CREB5: variants seen among roughly 807,000 people sequenced by gnomAD.
The protein encoded by CREB5 is cyclic AMP-responsive element-binding protein 5.
A neutral mutation model predicts 57.1 loss-of-function variants in CREB5; 19 were observed. The ratio of observed to expected loss-of-function variants is 0.33; its 90% CI spans 0.23 to 0.49. The LOEUF (loss-of-function observed/expected upper bound fraction) is 0.49, where lower values mean the gene tolerates loss of function less well. CREB5 is among the 20% of genes least tolerant of loss of function. The pLI is 0.99. For missense variants in CREB5, 579 were observed against 671.6 expected (o/e 0.86, Z 1.52); for synonymous variants, 238 against 238.3 (o/e 1.00, Z 0.01).
chr7:28,771,281 G>A (rs1011378238), intron 7 of CREB5, among the ~76,000 whole-genome samples: 1 of 151,950 alleles, frequency 6.6e-6, no homozygotes, highest in African/African-American at 2.4e-5. Flanking sequence ...AGAGATACAG[G>A]GCTTGAAATT....
At chr7:28,690,351 C>T (rs960926545) in intron 5 of CREB5, among the ~76,000 whole-genome samples, 2 of 152,200 alleles carry the variant, frequency 1.3e-5, no homozygotes, top group Admixed American at 6.5e-5. Flanking sequence ...CTAAGCATCA[C>T]CATAGTCGAT....
chr7:28,640,309 A>G (rs542148824), intron 5 of CREB5, among the ~76,000 whole-genome samples: 3 of 152,318 alleles, frequency 2.0e-5, no homozygotes, highest in African/African-American at 7.2e-5. Flanking sequence ...CTCAGTGACA[A>G]CATTTCTGTG....
intron 7 of CREB5, among the ~76,000 whole-genome samples, chr7:28,764,756 T>C (rs572222107): frequency 6.6e-6 from 1 of 152,352 alleles, no homozygotes; most frequent in East Asian, 1.9e-4. Flanking sequence ...CATAGGTAAT[T>C]GAGGATTTAA....
intron 5 of CREB5, among the ~76,000 whole-genome samples, chr7:28,630,706 A>T (rs73684224): frequency 0.02 from 3,004 of 152,300 alleles, 118 homozygotes; most frequent in African/African-American, 0.069. Flanking sequence ...ATTTCCATAT[A>T]AAAAGACAAT....
chr7:28,646,677 G>C (rs549060114), intron 5 of CREB5, among the ~76,000 whole-genome samples: 1 of 152,040 alleles, frequency 6.6e-6, no homozygotes, highest in Non-Finnish European at 1.5e-5. Flanking sequence ...AGAAAGGAAA[G>C]AATATTTTTG....
In CREB5 at chr7:28,685,984, G is replaced by C; in HGVS notation, c.465-32769G>C. On this transcript the variant is annotated intron_variant, in intron 5 of 10. Transcript: ENST00000357727. ...GAGGAGGGCGAGACCAGGAGAAAGA[G>C]AGCAAGTGAGCGAGAGCCCAGCCGG... 4.7e-6 allele frequency: 3 copies of C among 642,910 alleles called. No homozygotes were observed. The South Asian group carries it at 5.9e-5, about 13-fold the overall frequency. 39.8% of individuals were successfully genotyped at this position (642,910 alleles called of 1,614,324 possible). A position where few individuals can be genotyped will look rare whatever the true frequency, so the allele number is the denominator to read the frequency against.
rs1433235029 is a variant in CREB5, at chr7:28,724,281, C to A, written c.651C>A (p.Ser217Arg). The change falls in exon 7 of 11, where the codon AGC becomes AGA. Residue 217 changes from serine to arginine, a missense_variant. Ser to Arg is a moderately radical substitution (Grantham distance 110, BLOSUM62 -1). Transcript: ENST00000357727. ...TGGGGATGCAAGGTCCAAATCTCAG[C>A]AACCCCTGTGCTTCTCCCCAGGTCC... Reference protein sequence around the residue: ...SIMGMQGPNLSNPCASPQVQP... With the variant: ...SIMGMQGPNLRNPCASPQVQP... 6.2e-7 allele frequency: 1 copy of A among 1,613,678 alleles called. No homozygotes were observed. Among genetic ancestry groups the A allele is most frequent in the East Asian group, 2.2e-5 (1 of 44,892 alleles).
chr7:28,528,010 A>G (rs1010443264), intron 4 of CREB5, among the ~76,000 whole-genome samples: 1 of 152,356 alleles, frequency 6.6e-6, no homozygotes, highest in Admixed American at 6.5e-5. Context: ...TTGCAAAGTT[A>G]TAGTGAGGTT....
chr7:28,664,104 C>T (rs569953192), intron 5 of CREB5, among the ~76,000 whole-genome samples: 1 of 152,210 alleles, frequency 6.6e-6, no homozygotes, highest in Admixed American at 6.5e-5. Flanking sequence ...CCCAGGACTT[C>T]AATTAGGACC....
intron 1 of CREB5, among the ~76,000 whole-genome samples, chr7:28,329,968 T>C (rs1054821986): frequency 1.3e-5 from 2 of 152,250 alleles, no homozygotes; most frequent in African/African-American, 2.4e-5. Context: ...ATGGAATAAT[T>C]TGAAACACCT....
intron 4 of CREB5, among the ~76,000 whole-genome samples, chr7:28,556,050 A>G (rs112656924): frequency 0.032 from 4,887 of 152,204 alleles, 303 homozygotes; most frequent in African/African-American, 0.11. Flanking sequence ...AAAAATACGG[A>G]TGTCACTGAC....
intron 1 of CREB5, among the ~76,000 whole-genome samples, chr7:28,381,720 C>T (rs1786971192): frequency 6.6e-6 from 1 of 151,986 alleles, no homozygotes; most frequent in South Asian, 2.1e-4. Context: ...TTTTCTTAAC[C>T]CAGCTGAGAA....
At chr7:28,552,824 C>T (rs370422768) in intron 4 of CREB5, among the ~76,000 whole-genome samples, 2 of 152,170 alleles carry the variant, frequency 1.3e-5, no homozygotes, top group Non-Finnish European at 2.9e-5. Flanking sequence ...GAATTATCTG[C>T]GATGAAGTAC....
intron 5 of CREB5, among the ~76,000 whole-genome samples, chr7:28,640,260 C>T (rs2128699719): frequency 6.6e-6 from 1 of 152,286 alleles, no homozygotes; most frequent in South Asian, 2.1e-4. Flanking sequence ...CCTTTACTGC[C>T]CTGCATTGCC....
intron 5 of CREB5, among the ~76,000 whole-genome samples, chr7:28,712,547 T>TATTATTATTATTATTATTATTATTA (rs1190814066): frequency 8.0e-5 from 12 of 150,154 alleles, no homozygotes; most frequent in South Asian, 2.1e-4. Flanking sequence ...TTATTATTAT[T>TATTATTATTATTATTATTATTATTA]TTCTGAGATG....
intron 1 of CREB5, among the ~76,000 whole-genome samples, chr7:28,374,905 C>T (rs949771255): frequency 6.6e-6 from 1 of 152,172 alleles, no homozygotes; most frequent in Admixed American, 6.5e-5. Flanking sequence ...GAGCTCTTCC[C>T]TCTACAAGGG....
chr7:28,550,649 C>T (rs971924953), intron 4 of CREB5, among the ~76,000 whole-genome samples: 1 of 152,192 alleles, frequency 6.6e-6, no homozygotes, highest in Non-Finnish European at 1.5e-5. Flanking sequence ...TGTTCTTGGG[C>T]TGTCCCCAGT....
At chr7:28,589,426 T>A (rs984274746) in intron 5 of CREB5, among the ~76,000 whole-genome samples, 10 of 152,100 alleles carry the variant, frequency 6.6e-5, no homozygotes, top group Non-Finnish European at 1.2e-4. Flanking sequence ...TGGTGGCAGG[T>A]GCCTGTAGTC....
intron 1 of CREB5, among the ~76,000 whole-genome samples, chr7:28,469,390 G>A (rs1790719571): frequency 6.6e-6 from 1 of 152,178 alleles, no homozygotes; most frequent in African/African-American, 2.4e-5. Context: ...GCTCATTGGA[G>A]AAATTAGCTG....
Sources: allele counts gnomAD v4.1 joint callset (sites outside exome capture counted in the v4.1 genomes callset), GRCh38; gene constraint gnomAD v4.1.1; transcripts MANE v1.5; gene names NCBI Gene and HGNC (gene_info 2026-07-23, HGNC 2026-07-21).